PPM1L: variants seen among roughly 807,000 people sequenced by gnomAD.
PPM1L encodes protein phosphatase 1L.
PPM1L carries 13 observed loss-of-function variants against 31.4 expected under a neutral mutation model. That is an observed-to-expected ratio of 0.41 (90% CI 0.27 to 0.66). The LOEUF is 0.66. Among genes scored for constraint, PPM1L ranks in the 30% least tolerant of loss-of-function variants. The probability of loss-of-function intolerance (pLI) is 0.29; values close to 1 mark genes in which losing one functional copy is unlikely to be tolerated. For missense variants in PPM1L, 326 were observed against 453.7 expected (o/e 0.72, Z 2.56); for synonymous variants, 184 against 175.4 (o/e 1.05, Z -0.39).
intron 1 of PPM1L, among the ~76,000 whole-genome samples, chr3:160,919,137 T>A (rs1364269476): frequency 6.6e-6 from 1 of 152,204 alleles, no homozygotes; most frequent in African/African-American, 2.4e-5. Flanking sequence ...TTATTTAGTT[T>A]TAGAATAAAA....
intron 2 of PPM1L, among the ~76,000 whole-genome samples, chr3:161,060,980 A>G (rs1576624429): frequency 6.6e-6 from 1 of 152,098 alleles, no homozygotes; most frequent in Non-Finnish European, 1.5e-5. Context: ...TGTCTCAAGC[A>G]TAAAAAGAAA....
chr3:160,903,913 T>A (rs1270723659), intron 1 of PPM1L, among the ~76,000 whole-genome samples: 1 of 152,190 alleles, frequency 6.6e-6, no homozygotes, highest in Non-Finnish European at 1.5e-5. Flanking sequence ...TATTGATACC[T>A]ATATTTATCT....
rs1490911088 is a variant in PPM1L at position 161,077,042 on chromosome 3, A to G, written c.*7885A>G. On this transcript the variant is annotated 3_prime_UTR_variant, in exon 4 of 4. Transcript: ENST00000498165. Reference sequence around the variant, plus strand: ...CTGAGTGAATGTATCCATGGTGAGCACTCAGGCGCCATCACTGCCTTCTTG... The same window carrying G: ...CTGAGTGAATGTATCCATGGTGAGCGCTCAGGCGCCATCACTGCCTTCTTG... 3 of 152,146 alleles carry G rather than the reference A, an allele frequency of 2.0e-5. No individual in the cohort carries two copies. Among genetic ancestry groups the G allele is most frequent in the Non-Finnish European group, 4.4e-5 (3 of 68,038 alleles). 9.4% of individuals were successfully genotyped at this position (152,146 alleles called of 1,614,324 possible).
chr3:161,022,369 A>AT (rs1718258171), intron 2 of PPM1L: 2 of 385,648 alleles, frequency 5.2e-6, no homozygotes, highest in Non-Finnish European at 9.1e-6. Context: ...TTATGCATTT[A>AT]TTTTTTAAAT....
At chr3:160,797,426 GGCCAATTAGTAACTCTTCAGTA>G (rs1305431214) in intron 1 of PPM1L, among the ~76,000 whole-genome samples, 1 of 152,104 alleles carries the variant, frequency 6.6e-6, no homozygotes, top group Non-Finnish European at 1.5e-5. Context: ...ATTGAAATTA[GGCCAATTAGTAACTCTTCAGTA>G]GCCTCTAAGT....
At chr3:160,835,038 TA>T (rs1447595094) in intron 1 of PPM1L, among the ~76,000 whole-genome samples, 45 of 141,028 alleles carry the variant, frequency 3.2e-4, no homozygotes, top group South Asian at 1.2e-3. Context: ...TTACTACTAC[TA>T]CTTCTTCTTC....
intron 2 of PPM1L, among the ~76,000 whole-genome samples, chr3:161,063,750 C>T (rs1486704002): frequency 6.6e-6 from 1 of 152,140 alleles, no homozygotes; most frequent in Non-Finnish European, 1.5e-5. Context: ...TTCACAATAG[C>T]AAAGACTTGG....
chr3:160,924,461 A>T (rs1359183620), intron 1 of PPM1L, among the ~76,000 whole-genome samples: 2 of 152,200 alleles, frequency 1.3e-5, no homozygotes, highest in African/African-American at 2.4e-5. Flanking sequence ...CAGGTTCTGT[A>T]ATAGGAAGAA....
At chr3:160,886,798 C>T (rs2108042392) in intron 1 of PPM1L, among the ~76,000 whole-genome samples, 1 of 152,146 alleles carries the variant, frequency 6.6e-6, no homozygotes, top group Non-Finnish European at 1.5e-5. Context: ...GGCCAGAGGG[C>T]CTCTTTTCCT....
chr3:160,756,245 C>T lies in PPM1L; in HGVS notation c.-64C>T. 1 of 1,549,580 alleles carries T rather than the reference C, an allele frequency of 6.5e-7. No individual in the cohort carries two copies. Among genetic ancestry groups the T allele is most frequent in the Non-Finnish European group, 8.7e-7 (1 of 1,142,870 alleles). ...CCCGGCGGGCTGTCCCCGCAGTGCT[C>T]CCGGACCCGGCGAGCCTTCGGGGCG... On this transcript the variant is annotated 5_prime_UTR_variant, in exon 1 of 4. Transcript: ENST00000498165. This position sits in a 1 kb window ranked among gnomAD's most constrained non-coding sequence, Gnocchi z 6.2.
intron 2 of PPM1L, among the ~76,000 whole-genome samples, chr3:161,032,280 A>G (rs772776210): frequency 6.6e-6 from 1 of 152,206 alleles, no homozygotes; most frequent in Non-Finnish European, 1.5e-5. Context: ...CCATTTCTCT[A>G]TCACTCAATA....
At chr3:161,018,107 T>TA (rs745343982) in intron 2 of PPM1L, among the ~76,000 whole-genome samples, 7 of 152,206 alleles carry the variant, frequency 4.6e-5, no homozygotes, top group Non-Finnish European at 1.0e-4. Context: ...TCTTAAAAGA[T>TA]AAATTTGCAT....
At chr3:160,819,642 A>G (rs1463249092) in intron 1 of PPM1L, among the ~76,000 whole-genome samples, 1 of 152,034 alleles carries the variant, frequency 6.6e-6, no homozygotes, top group Admixed American at 6.6e-5. Flanking sequence ...TGGAACTTAC[A>G]TTCCAGAGGG....
intron 2 of PPM1L, among the ~76,000 whole-genome samples, chr3:160,999,551 T>C (rs1223332368): frequency 6.6e-6 from 1 of 152,222 alleles, no homozygotes; most frequent in Non-Finnish European, 1.5e-5. Context: ...ACCTTGTTGC[T>C]GTGGTTTCTG....
rs116921913 is a variant in PPM1L, at chr3:160,761,999, G to A, written c.399+5292G>A. ...TGAATTCAAGATGAGATTTGGGTGGGGACACAGCCAAACCATATCACCATT... is the reference window on the plus strand; with the variant it reads ...TGAATTCAAGATGAGATTTGGGTGGAGACACAGCCAAACCATATCACCATT... On this transcript the variant is annotated intron_variant, in intron 1 of 3. Transcript: ENST00000498165. Among the ~76,000 whole-genome samples the A allele has an allele frequency of 5.1e-3, 771 of 152,138 alleles. 11 individuals are homozygous for A. The highest frequency in any genetic ancestry group is 0.039 in the East Asian group (203 of 5,180).
At chr3:161,066,881 G>A (rs892178886) in intron 3 of PPM1L, among the ~76,000 whole-genome samples, 1 of 152,202 alleles carries the variant, frequency 6.6e-6, no homozygotes, top group South Asian at 2.1e-4. Flanking sequence ...AAAATGTGTT[G>A]AATTTTATTA....
chr3:160,971,737 C>G (rs1407513533), intron 2 of PPM1L, among the ~76,000 whole-genome samples: 1 of 152,072 alleles, frequency 6.6e-6, no homozygotes, highest in Non-Finnish European at 1.5e-5. Flanking sequence ...CAGACCAATT[C>G]TTGCCTTCTG....
At chr3:160,923,891 TG>T (rs1437421366) in intron 1 of PPM1L, among the ~76,000 whole-genome samples, 1 of 152,198 alleles carries the variant, frequency 6.6e-6, no homozygotes, top group Non-Finnish European at 1.5e-5. Context: ...CTTCACAAAA[TG>T]TTTTTTATTT....
chr3:160,777,874 A>G (rs1203200511), intron 1 of PPM1L, among the ~76,000 whole-genome samples: 1 of 152,182 alleles, frequency 6.6e-6, no homozygotes, highest in Non-Finnish European at 1.5e-5. Context: ...TTTTGGATAT[A>G]TTTATACCTA....
Sources: gnomAD v4.1 joint callset for allele counts (sites outside exome capture counted in the v4.1 genomes callset) on GRCh38, gnomAD v4.1.1 for gene constraint, Gnocchi (gnomAD v3.1) non-coding constraint, MANE v1.5 for transcripts, NCBI Gene and HGNC (gene_info 2026-07-23, HGNC 2026-07-21) for gene names.